Variants in PCDH15 observed in about 807,000 individuals in gnomAD.
PCDH15 encodes protocadherin related 15.
PCDH15 carries 129 observed loss-of-function variants against 178.5 expected under a neutral mutation model. The ratio of observed to expected loss-of-function variants is 0.72; its 90% CI spans 0.63 to 0.84. The LOEUF (loss-of-function observed/expected upper bound fraction) is 0.84, where lower values mean the gene tolerates loss of function less well. Ranked by LOEUF, PCDH15 falls within the 40% of genes least tolerant of loss-of-function variation. The pLI is 0.00. For synonymous variants in PCDH15, 800 were observed against 732.0 expected (o/e 1.09, Z -1.50); for missense variants, 2,230 against 2,099.9 (o/e 1.06, Z -1.21).
At chr10:53,868,942 T>C (rs1390373146) in intron 26 of PCDH15, among the ~76,000 whole-genome samples, 1 of 152,154 alleles carries the variant, frequency 6.6e-6, no homozygotes, top group African/African-American at 2.4e-5. Flanking sequence ...TGTCAGCCTC[T>C]GAGTAGCTGG....
intron 3 of PCDH15, among the ~76,000 whole-genome samples, chr10:54,380,021 T>C (rs1056893975): frequency 2.0e-5 from 3 of 152,128 alleles, no homozygotes; most frequent in Non-Finnish European, 4.4e-5. Flanking sequence ...CTAAATGTTA[T>C]ACCGTTGCAT....
At chr10:54,228,710 C>G (rs546763772) in intron 9 of PCDH15, among the ~76,000 whole-genome samples, 1 of 152,260 alleles carries the variant, frequency 6.6e-6, no homozygotes, top group Non-Finnish European at 1.5e-5. Context: ...AGAACTCATC[C>G]TTCCTCTGCC....
At chr10:54,621,769 C>T (rs2093354580) in intron 2 of PCDH15, among the ~76,000 whole-genome samples, 3 of 151,832 alleles carry the variant, frequency 2.0e-5, no homozygotes. Context: ...TAAACAGAGT[C>T]ACGCAGAAAA....
intron 2 of PCDH15, among the ~76,000 whole-genome samples, chr10:55,157,953 AT>A (rs66768343): frequency 0.94 from 142,426 of 151,520 alleles, 67,212 homozygotes; most frequent in East Asian, 1. Context: ...TTAAAGGATA[AT>A]TTAAAAAATA....
chr10:53,891,746 G>A (rs2081566198), intron 26 of PCDH15, among the ~76,000 whole-genome samples: 1 of 151,728 alleles, frequency 6.6e-6, no homozygotes, highest in Admixed American at 6.6e-5. Context: ...TGAGGTCAGG[G>A]TTTCGAGACC....
At chr10:54,431,599 C>G (rs1380858119) in intron 3 of PCDH15, among the ~76,000 whole-genome samples, 2 of 152,098 alleles carry the variant, frequency 1.3e-5, no homozygotes, top group African/African-American at 4.8e-5. Flanking sequence ...TTAGAAGGAA[C>G]TAACCTCAAC....
At chr10:55,581,110 C>A (rs936057583) in intron 2 of PCDH15, among the ~76,000 whole-genome samples, 5 of 151,850 alleles carry the variant, frequency 3.3e-5, no homozygotes, top group African/African-American at 1.2e-4. Flanking sequence ...CGCATTTTTG[C>A]CTAATTGTCA....
At chr10:54,571,726 G>C (rs1330235417) in intron 2 of PCDH15, among the ~76,000 whole-genome samples, 1 of 152,058 alleles carries the variant, frequency 6.6e-6, no homozygotes, top group African/African-American at 2.4e-5. Context: ...CAAGAGAGAA[G>C]GTATCATTTT....
At chr10:54,663,468 C>G (rs2135413611) in intron 2 of PCDH15, among the ~76,000 whole-genome samples, 1 of 148,894 alleles carries the variant, frequency 6.7e-6, no homozygotes, top group Non-Finnish European at 1.5e-5. Context: ...TATATCCTAA[C>G]TGTCATTATA....
intron 4 of PCDH15, among the ~76,000 whole-genome samples, chr10:54,375,880 AAT>A (rs35626392): frequency 0.32 from 40,831 of 129,482 alleles, 7,355 homozygotes; most frequent in Middle Eastern, 0.47. Context: ...TTTGAAACGG[AAT>A]ATATATATAT....
intron 17 of PCDH15, among the ~76,000 whole-genome samples, chr10:54,073,651 C>T (rs1394799279): frequency 6.6e-6 from 1 of 152,088 alleles, no homozygotes; most frequent in Admixed American, 6.5e-5. Context: ...CTGAGTAATT[C>T]AATCCAGTAA....
chr10:54,509,217 C>T (rs887812281), intron 3 of PCDH15, among the ~76,000 whole-genome samples: 1 of 151,884 alleles, frequency 6.6e-6, no homozygotes, highest in African/African-American at 2.4e-5. Context: ...ATTGTAGCTC[C>T]CATAATTTCC....
chr10:54,062,593 C>G (rs2094053149), intron 18 of PCDH15, among the ~76,000 whole-genome samples: 1 of 151,960 alleles, frequency 6.6e-6, no homozygotes. Flanking sequence ...TTTTTGCTTT[C>G]AACATCGTTT....
At chr10:54,348,042 G>T (rs1029087925) in intron 5 of PCDH15, among the ~76,000 whole-genome samples, 9 of 151,796 alleles carry the variant, frequency 5.9e-5, no homozygotes, top group Non-Finnish European at 1.0e-4. Context: ...TAGAGATGGG[G>T]TTTCACCGCG....
At chr10:54,278,007 T>G (rs1029721464) in intron 8 of PCDH15, among the ~76,000 whole-genome samples, 15 of 151,610 alleles carry the variant, frequency 9.9e-5, no homozygotes, top group Non-Finnish European at 4.4e-5. Flanking sequence ...AATATCTACA[T>G]CTTTGAATTC....
chr10:54,972,848 C>CAAAAAAAAAAA (rs750356955), intron 2 of PCDH15, among the ~76,000 whole-genome samples: 4 of 53,518 alleles, frequency 7.5e-5, no homozygotes, highest in East Asian at 6.2e-4. Flanking sequence ...GACTCCATCT[C>CAAAAAAAAAAA]AAAAAAAAAA....
rs1232953949 is a variant in PCDH15, at chr10:54,020,146, G to A, written c.2751+46C>T. 2.0e-6 allele frequency: 3 copies of A among 1,527,602 alleles called. No homozygotes were observed. The East Asian group carries it at 6.8e-5, about 34-fold the overall frequency. 94.6% of individuals were successfully genotyped at this position (1,527,602 alleles called of 1,614,324 possible). Reference sequence around the variant, plus strand: ...ATAATAGAAGGAACAAAACCTACATGTAGAGAGAGCAAAGCAGGCAACCAG... The same window carrying A: ...ATAATAGAAGGAACAAAACCTACATATAGAGAGAGCAAAGCAGGCAACCAG... On this transcript the variant is annotated intron_variant, in intron 20 of 37. Transcript: ENST00000644397.
At chr10:54,612,723 T>G (rs2093003598) in intron 2 of PCDH15, among the ~76,000 whole-genome samples, 1 of 151,870 alleles carries the variant, frequency 6.6e-6, no homozygotes, top group South Asian at 2.1e-4. Context: ...TTATGTCTTG[T>G]GTGACCTAAC....
intron 1 of PCDH15, among the ~76,000 whole-genome samples, chr10:55,223,972 C>T (rs865895184): frequency 2.6e-5 from 4 of 152,056 alleles, no homozygotes; most frequent in African/African-American, 9.7e-5. Context: ...ACAAATACAG[C>T]TGGAAGTGGT....
Sources: allele counts gnomAD v4.1 joint callset (sites outside exome capture counted in the v4.1 genomes callset), GRCh38; gene constraint gnomAD v4.1.1; transcripts MANE v1.5; gene names NCBI Gene and HGNC (gene_info 2026-07-23, HGNC 2026-07-21).